The following DTNBP1 variants were observed in gnomAD, a reference collection of about 807,000 sequenced individuals.
DTNBP1 encodes dysbindin.
A neutral mutation model predicts 42.8 loss-of-function variants in DTNBP1; 35 were observed. The observed-to-expected ratio is 0.82, with a 90% CI of 0.63 to 1.09. The LOEUF is 1.09. Among genes scored for constraint, DTNBP1 ranks in the 50% least tolerant of loss-of-function variants. The probability of loss-of-function intolerance (pLI) is 0.00; values close to 1 mark genes in which losing one functional copy is unlikely to be tolerated. For missense variants in DTNBP1, 457 were observed against 424.2 expected, an observed-to-expected ratio of 1.08 and a Z score of -0.68; for synonymous variants, 171 against 162.2, an observed-to-expected ratio of 1.05 and a Z score of -0.41.
At chr6:15,543,532 A>T (rs1309604140) in intron 7 of DTNBP1, among the ~76,000 whole-genome samples, 1 of 152,218 alleles carries the variant, frequency 6.6e-6, no homozygotes, top group East Asian at 1.9e-4. Context: ...ATTCCTCTTC[A>T]AAGTTTAGCC....
In DTNBP1 at chr6:15,524,688, G is replaced by T; in HGVS notation, c.668-19C>A. 6.2e-7 allele frequency: 1 copy of T among 1,611,142 alleles called. No homozygotes were observed. On this transcript the variant is annotated intron_variant, in intron 8 of 9. Coordinates refer to ENST00000344537, the MANE Select transcript of DTNBP1 (RefSeq NM_032122.5). Reference sequence around the variant, plus strand: ...ATGGGCTCTGCGGATAGATCAACACGAGAAAGGACACGCTGTCTTTAATAT... The same window carrying T: ...ATGGGCTCTGCGGATAGATCAACACTAGAAAGGACACGCTGTCTTTAATAT...
chr6:15,546,239 T>C (rs1352908060), intron 7 of DTNBP1, among the ~76,000 whole-genome samples: 2 of 151,918 alleles, frequency 1.3e-5, no homozygotes, highest in African/African-American at 4.8e-5. Flanking sequence ...CTACTTTTTG[T>C]ATTTTTAGTA....
intron 3 of DTNBP1, among the ~76,000 whole-genome samples, chr6:15,648,945 T>C (rs986527404): frequency 2.0e-5 from 3 of 151,876 alleles, no homozygotes; most frequent in African/African-American, 2.4e-5. Flanking sequence ...GAAAAACTCT[T>C]AGAAGAAAAC....
In DTNBP1 at chr6:15,524,519, A is replaced by G. The variant is rs1274122410; in HGVS notation, c.811+7T>C. The G allele has an allele frequency of 1.9e-6, 3 of 1,607,622 alleles. No individual in the cohort carries two copies. The highest frequency in any genetic ancestry group is 1.7e-5 in the Admixed American group (1 of 59,746). ...TGGTTCAGCTAATGCAAGTTTGTCA[A>G]CCCTACCTAAGGCGGGGGACAGCAC... On this transcript the variant is annotated splice_region_variant and intron_variant, in intron 9 of 9. Transcript: ENST00000344537.
rs70996562 is a variant in DTNBP1 at position 15,636,157 on chromosome 6, C to CTTTTTTTTTTTTTTTTT, written c.222+1586_222+1587insAAAAAAAAAAAAAAAAA. Among the ~76,000 whole-genome samples, 4 of 127,028 alleles carry CTTTTTTTTTTTTTTTTT rather than the reference C, an allele frequency of 3.1e-5. 1 individual carries two copies. Among genetic ancestry groups the CTTTTTTTTTTTTTTTTT allele is most frequent in the Admixed American group, 8.1e-5 (1 of 12,412 alleles). 83.3% of individuals were successfully genotyped at this position (127,028 alleles called of 152,430 possible). On this transcript the variant is annotated intron_variant, in intron 4 of 9. Coordinates refer to ENST00000344537, the MANE Select transcript of DTNBP1 (RefSeq NM_032122.5). ...GTCAAAGAACACAAATTACCTGCAC[C>CTTTTTTTTTTTTTTTTT]TTTTTTTTTTTTTTTGAGACAGAGT...
chr6:15,626,400 C>T (rs1759348417), intron 5 of DTNBP1, among the ~76,000 whole-genome samples: 1 of 152,164 alleles, frequency 6.6e-6, no homozygotes, highest in Admixed American at 6.5e-5. Context: ...TGTCTTATGA[C>T]TTGCCAATTA....
At chr6:15,649,862 C>T (rs557072521) in intron 3 of DTNBP1, among the ~76,000 whole-genome samples, 1 of 152,198 alleles carries the variant, frequency 6.6e-6, no homozygotes, top group South Asian at 2.1e-4. Context: ...AAGTTGATAG[C>T]TCTAACATAA....
intron 9 of DTNBP1, chr6:15,523,952 C>T: frequency 7.8e-7 from 1 of 1,287,450 alleles, no homozygotes. Context: ...GCCCAAAGAA[C>T]TGGTCTGAAA....
chr6:15,523,656 A>G, intron 9 of DTNBP1: 1 of 1,287,448 alleles, frequency 7.8e-7, no homozygotes, highest in Non-Finnish European at 1.0e-6. Flanking sequence ...ATTTTATGGA[A>G]CTAAATAGGC....
chr6:15,634,675 T>C (rs768459584), intron 4 of DTNBP1, among the ~76,000 whole-genome samples: 3 of 152,150 alleles, frequency 2.0e-5, no homozygotes, highest in Non-Finnish European at 4.4e-5. Context: ...ATAATTAACT[T>C]TTAAAAGTGA....
At chr6:15,523,335 G>C in intron 9 of DTNBP1, 116 bp from the exon 10 acceptor site, 1 of 1,431,792 alleles carries the variant, frequency 7.0e-7, no homozygotes, top group Non-Finnish European at 9.6e-7. Context: ...TTTTGTTCCA[G>C]GCACCTGGGG....
intron 7 of DTNBP1, among the ~76,000 whole-genome samples, chr6:15,589,743 C>T (rs2113614399): frequency 6.6e-6 from 1 of 152,308 alleles, no homozygotes; most frequent in African/African-American, 2.4e-5. Context: ...TCCCTGGATA[C>T]TCTCCAAGGA....
At chr6:15,533,554 C>T (rs1387257560) in intron 7 of DTNBP1, 159 bp from the exon 8 acceptor site, 6 of 1,217,572 alleles carry the variant, frequency 4.9e-6, no homozygotes, top group Non-Finnish European at 7.2e-6. Flanking sequence ...GCCTCCTTGT[C>T]CCCCAATCTG....
chr6:15,567,247 G>A (rs751133086), intron 7 of DTNBP1, among the ~76,000 whole-genome samples: 2 of 151,778 alleles, frequency 1.3e-5, no homozygotes, highest in Non-Finnish European at 2.9e-5. Context: ...TTGAGGCCAG[G>A]AGTTCAAAAC....
chr6:15,575,007 A>T (rs1775502527), intron 7 of DTNBP1, among the ~76,000 whole-genome samples: 1 of 152,240 alleles, frequency 6.6e-6, no homozygotes, highest in Non-Finnish European at 1.5e-5. Context: ...CTCTGAATAC[A>T]GAGCACTTGA....
intron 7 of DTNBP1, among the ~76,000 whole-genome samples, chr6:15,539,340 C>A (rs56356839): frequency 0.013 from 1,916 of 152,324 alleles, 24 homozygotes; most frequent in Middle Eastern, 0.02. Context: ...AGACGGTCTG[C>A]CACAGTGGGA....
intron 5 of DTNBP1, among the ~76,000 whole-genome samples, chr6:15,623,675 T>C (rs1272998756): frequency 1.3e-5 from 2 of 152,224 alleles, no homozygotes; most frequent in East Asian, 3.8e-4. Context: ...GACAAGGCTT[T>C]AACATTTTGA....
chr6:15,538,285 A>AG (rs545421096), intron 7 of DTNBP1, among the ~76,000 whole-genome samples: 4 of 152,096 alleles, frequency 2.6e-5, no homozygotes, highest in Non-Finnish European at 5.9e-5. Flanking sequence ...TGGAGGATGG[A>AG]GGGGGCCACG....
Position 15,647,209 on chromosome 6 carries a change from A to G in DTNBP1, c.161+4104T>C, listed in dbSNP as rs147622150. The stretch of plus-strand genomic sequence containing the variant: ...AAAGGATATGAATAGACTCTTCTCA[A>G]ATGAAGACATATAAGAAGCCAACAA... On this transcript the variant is annotated intron_variant, in intron 3 of 9. Transcript: ENST00000344537. 4.7e-3 allele frequency among the ~76,000 whole-genome samples: 710 copies of G among 152,164 alleles called. 6 individuals are homozygous for G. The highest frequency in any genetic ancestry group is 0.016 in the African/African-American group (677 of 41,560).
Sources: allele counts gnomAD v4.1 joint callset (sites outside exome capture counted in the v4.1 genomes callset), GRCh38; gene constraint gnomAD v4.1.1; transcripts MANE v1.5; gene names NCBI Gene and HGNC (gene_info 2026-07-23, HGNC 2026-07-21).